The following ELOVL6 variants were observed in gnomAD, a reference collection of about 807,000 sequenced individuals.
ELOVL6 encodes ELOVL fatty acid elongase 6.
Under a neutral mutation model 31.7 loss-of-function variants are expected in ELOVL6, and 8 were observed. The ratio of observed to expected loss-of-function variants is 0.25; its 90% CI spans 0.15 to 0.45. ELOVL6 has a LOEUF of 0.45. Among genes scored for constraint, ELOVL6 ranks in the 20% least tolerant of loss-of-function variants. The probability of loss-of-function intolerance (pLI) is 1.00; values close to 1 mark genes in which losing one functional copy is unlikely to be tolerated. For synonymous variants in ELOVL6, 101 were observed against 117.7 expected, an observed-to-expected ratio of 0.86 and a Z score of 0.92; for missense variants, 126 against 326.4, an observed-to-expected ratio of 0.39 and a Z score of 4.73.
At chr4:110,053,557 C>A (rs1469180185) in intron 3 of ELOVL6, among the ~76,000 whole-genome samples, 2 of 152,220 alleles carry the variant, frequency 1.3e-5, no homozygotes, top group Non-Finnish European at 2.9e-5. Context: ...GTCATCCCAG[C>A]ACTTTGGGAG....
chr4:110,079,539 C>A (rs1326766084), intron 2 of ELOVL6, among the ~76,000 whole-genome samples: 1 of 151,778 alleles, frequency 6.6e-6, no homozygotes, highest in Non-Finnish European at 1.5e-5. Context: ...TCTTTGAAAC[C>A]AACGAGAACA....
intron 1 of ELOVL6, among the ~76,000 whole-genome samples, chr4:110,194,609 T>C (rs1169890196): frequency 6.6e-6 from 1 of 152,210 alleles, no homozygotes; most frequent in Non-Finnish European, 1.5e-5. Context: ...TTGAACCCTT[T>C]AGGGTTTATA....
chr4:110,051,369 C>A lies in ELOVL6; in HGVS notation c.767G>T (p.Gly256Val), dbSNP rs1180496267. The A allele has an allele frequency of 1.2e-6, 2 of 1,613,986 alleles. No homozygotes were observed. The highest frequency in any genetic ancestry group is 2.7e-5 in the African/African-American group (2 of 74,898). ...FCHFFFEAYI[G>V]KMRKTTKAE Reference sequence around the variant, plus strand: ...AGCTTTCGTTGTTTTCCTCATTTTGCCGATGTAGGCCTCAAAGAAGAAATG... The same window carrying A: ...AGCTTTCGTTGTTTTCCTCATTTTGACGATGTAGGCCTCAAAGAAGAAATG... The change falls in exon 4 of 4, where the codon GGC becomes GTC. Residue 256 changes from glycine to valine, a missense_variant. By Grantham distance (109) the Gly-to-Val change is moderately radical (BLOSUM62 -3). Transcript: ENST00000302274. The surrounding 1 kb of genome is among the most constrained non-coding windows in gnomAD (Gnocchi z 4.8).
intron 1 of ELOVL6, among the ~76,000 whole-genome samples, chr4:110,187,730 C>A (rs930141852): frequency 6.6e-6 from 1 of 150,906 alleles, no homozygotes; most frequent in Non-Finnish European, 1.5e-5. Context: ...TGTGATAGTA[C>A]GTAAATCTGT....
chr4:110,115,658 ACT>A (rs1390812942), intron 1 of ELOVL6, among the ~76,000 whole-genome samples: 2 of 152,180 alleles, frequency 1.3e-5, no homozygotes, highest in African/African-American at 4.8e-5. Flanking sequence ...CAAAATCTGA[ACT>A]CTCATTCAGT....
intron 2 of ELOVL6, among the ~76,000 whole-genome samples, chr4:110,062,381 C>A (rs1213795163): frequency 6.6e-6 from 1 of 152,198 alleles, no homozygotes; most frequent in Non-Finnish European, 1.5e-5. Context: ...GCCCATGTGT[C>A]TGTGGGCAAA....
chr4:110,158,471 T>C (rs1384666392), intron 1 of ELOVL6, among the ~76,000 whole-genome samples: 6 of 149,226 alleles, frequency 4.0e-5, no homozygotes, highest in Admixed American at 1.3e-4. Context: ...CATTAACATT[T>C]TTCTGTATCC....
At chr4:110,168,743 C>T (rs1005426879) in intron 1 of ELOVL6, among the ~76,000 whole-genome samples, 2 of 152,104 alleles carry the variant, frequency 1.3e-5, no homozygotes, top group Non-Finnish European at 2.9e-5. Context: ...CAGTGTGGAC[C>T]TAGACTGCCT....
intron 1 of ELOVL6, among the ~76,000 whole-genome samples, chr4:110,109,567 A>G (rs1423071547): frequency 2.0e-5 from 3 of 152,324 alleles, no homozygotes; most frequent in Non-Finnish European, 4.4e-5. Flanking sequence ...TTCCTAGGAC[A>G]TGCTTTTTTG....
At chr4:110,192,152 T>C (rs530493581) in intron 1 of ELOVL6, among the ~76,000 whole-genome samples, 2 of 144,704 alleles carry the variant, frequency 1.4e-5, no homozygotes, top group Admixed American at 7.1e-5. Flanking sequence ...ATGGAACAAT[T>C]GCACTCCAGC....
chr4:110,198,158 C>T (rs1199948321), intron 1 of ELOVL6, 89 bp downstream of exon 1: 5 of 802,176 alleles, frequency 6.2e-6, no homozygotes, highest in Non-Finnish European at 8.7e-6. Context: ...TCGCTCCATT[C>T]ACGCCCAGGC....
intron 1 of ELOVL6, among the ~76,000 whole-genome samples, chr4:110,196,467 A>G (rs768523187): frequency 2.2e-4 from 34 of 152,078 alleles, no homozygotes; most frequent in Non-Finnish European, 4.3e-4. Context: ...CGGGAGGAGG[A>G]AGTGCATCCA....
chr4:110,084,387 C>CATATG (rs1756120710), intron 2 of ELOVL6, among the ~76,000 whole-genome samples: 1 of 69,448 alleles, frequency 1.4e-5, no homozygotes, highest in Admixed American at 1.7e-4. Context: ...ATATATATCG[C>CATATG]ATATATGATA....
intron 2 of ELOVL6, among the ~76,000 whole-genome samples, chr4:110,084,084 G>GATATATAACATATATATGCTATATATCAT (rs1560813878): frequency 2.6e-5 from 2 of 77,674 alleles, no homozygotes; most frequent in Non-Finnish European, 2.5e-5. Context: ...TGCTATATAT[G>GATATATAACATATATATGCTATATATCAT]ATATATAACA....
At chr4:110,084,627 C>T (rs1387496553) in intron 2 of ELOVL6, among the ~76,000 whole-genome samples, 28 of 106,672 alleles carry the variant, frequency 2.6e-4, no homozygotes, top group African/African-American at 1.1e-3. Flanking sequence ...TGGAGTCTTG[C>T]TCTGTCGCCC....
intron 1 of ELOVL6, among the ~76,000 whole-genome samples, chr4:110,106,565 T>C (rs973114310): frequency 3.9e-5 from 6 of 152,168 alleles, no homozygotes. Context: ...TCTTTTAGCA[T>C]GCTAATGCAT....
At position 110,084,077 on chromosome 4, in the gene ELOVL6, T is replaced by C. The variant is rs1470229797; in HGVS notation, c.221+21420A>G. ...TATATGATATATAACATATATATGC[T>C]ATATATGATATATAACATATATATG... On this transcript the variant is annotated intron_variant, in intron 2 of 3. Coordinates refer to ENST00000302274, the MANE Select transcript of ELOVL6 (RefSeq NM_024090.3). 3.6e-4 allele frequency among the ~76,000 whole-genome samples: 28 copies of C among 77,108 alleles called. 3 individuals carry two copies. Among genetic ancestry groups the C allele is most frequent in the African/African-American group, 1.6e-3 (19 of 12,002 alleles). The allele number at this position is 77,108 out of a possible 152,430, so 50.6% of individuals were successfully genotyped here. A position where few individuals can be genotyped will look rare whatever the true frequency, so the allele number is the denominator to read the frequency against.
chr4:110,125,840 T>C (rs1045452314), intron 1 of ELOVL6, among the ~76,000 whole-genome samples: 2 of 145,760 alleles, frequency 1.4e-5, no homozygotes, highest in African/African-American at 5.0e-5. Flanking sequence ...AAAAAAAAAA[T>C]AGAGATTTGG....
intron 2 of ELOVL6, among the ~76,000 whole-genome samples, chr4:110,073,808 G>A (rs915310900): frequency 2.6e-5 from 4 of 152,164 alleles, no homozygotes; most frequent in African/African-American, 9.6e-5. Context: ...TGTGAGAGGG[G>A]AAATAAAAAG....
Sources: gnomAD v4.1 joint callset for allele counts (sites outside exome capture counted in the v4.1 genomes callset) on GRCh38, gnomAD v4.1.1 for gene constraint, Gnocchi (gnomAD v3.1) non-coding constraint, MANE v1.5 for transcripts, NCBI Gene and HGNC (gene_info 2026-07-23, HGNC 2026-07-21) for gene names.